GPM6A: variants seen among roughly 807,000 people sequenced by gnomAD.
The protein encoded by GPM6A is neuronal membrane glycoprotein M6-a.
A neutral mutation model predicts 32.1 loss-of-function variants in GPM6A; 7 were observed. That is an observed-to-expected ratio of 0.22 (90% CI 0.12 to 0.41). The LOEUF is 0.41. Ranked by LOEUF, GPM6A falls within the 10% of genes least tolerant of loss-of-function variation. The probability of loss-of-function intolerance (pLI) is 1.00; values close to 1 mark genes in which losing one functional copy is unlikely to be tolerated. For missense variants in GPM6A, 235 were observed against 347.2 expected, an observed-to-expected ratio of 0.68 and a Z score of 2.57; for synonymous variants, 130 against 123.4, an observed-to-expected ratio of 1.05 and a Z score of -0.35.
chr4:175,875,128 G>A (rs942202974), intron 1 of GPM6A, among the ~76,000 whole-genome samples: 6 of 152,072 alleles, frequency 3.9e-5, no homozygotes, highest in African/African-American at 7.2e-5. Context: ...TTTGAACCTT[G>A]ATGCAAGAAT....
intron 1 of GPM6A, among the ~76,000 whole-genome samples, chr4:175,722,985 G>A (rs1189708666): frequency 6.6e-6 from 1 of 152,080 alleles, no homozygotes; most frequent in East Asian, 1.9e-4. Context: ...GGAGGTGGAG[G>A]CTGCAGTGAG....
intron 2 of GPM6A, among the ~76,000 whole-genome samples, chr4:175,691,863 C>T (rs952037745): frequency 3.3e-5 from 5 of 152,068 alleles, no homozygotes; most frequent in African/African-American, 1.2e-4. Flanking sequence ...AAGAGAGAGG[C>T]GAGAGAGACA....
chr4:176,000,108 C>T (rs1000883885), intron 1 of GPM6A, among the ~76,000 whole-genome samples: 4 of 152,156 alleles, frequency 2.6e-5, no homozygotes, highest in African/African-American at 9.7e-5. Context: ...TACAGGCCTG[C>T]TCTTTTCTCT....
At chr4:175,852,696 T>G (rs1736296402) in intron 1 of GPM6A, among the ~76,000 whole-genome samples, 1 of 152,174 alleles carries the variant, frequency 6.6e-6, no homozygotes, top group African/African-American at 2.4e-5. Flanking sequence ...TACCAATAGA[T>G]AGCACTTAAT....
At chr4:175,753,811 T>C (rs1236687527) in intron 1 of GPM6A, among the ~76,000 whole-genome samples, 2 of 152,118 alleles carry the variant, frequency 1.3e-5, no homozygotes, top group East Asian at 1.9e-4. Flanking sequence ...TACAAGTTAC[T>C]TTGTAAGGAC....
chr4:175,757,479 T>G (rs1732573514), intron 1 of GPM6A, among the ~76,000 whole-genome samples: 1 of 152,156 alleles, frequency 6.6e-6, no homozygotes, highest in Non-Finnish European at 1.5e-5. Context: ...TTTATGTCAC[T>G]AAAATGTATT....
intron 1 of GPM6A, among the ~76,000 whole-genome samples, chr4:175,977,031 C>T (rs939235393): frequency 6.6e-6 from 1 of 152,108 alleles, no homozygotes; most frequent in Non-Finnish European, 1.5e-5. Flanking sequence ...GTTCTACAAG[C>T]TAATATGTTA....
At chr4:175,883,175 C>T (rs1253987353) in intron 1 of GPM6A, among the ~76,000 whole-genome samples, 2 of 151,940 alleles carry the variant, frequency 1.3e-5, no homozygotes, top group African/African-American at 4.8e-5. Flanking sequence ...TAGATTGAAA[C>T]ACAGGTAATT....
At chr4:175,936,366 A>C (rs2126328033) in intron 1 of GPM6A, among the ~76,000 whole-genome samples, 1 of 151,434 alleles carries the variant, frequency 6.6e-6, no homozygotes, top group South Asian at 2.1e-4. Context: ...AATAAAATTA[A>C]AATAATTTCC....
At chr4:175,765,707 T>TA (rs918449685) in intron 1 of GPM6A, among the ~76,000 whole-genome samples, 1 of 152,212 alleles carries the variant, frequency 6.6e-6, no homozygotes, top group African/African-American at 2.4e-5. Flanking sequence ...ACTATTAAAA[T>TA]AAAAACCCAA....
At chr4:175,764,846 CATTATTATTATTATTATTATT>C (rs56700410) in intron 1 of GPM6A, among the ~76,000 whole-genome samples, 1 of 140,532 alleles carries the variant, frequency 7.1e-6, no homozygotes, top group Admixed American at 7.2e-5. Context: ...AACCCAAAGG[CATTATTATTATTATTATTATT>C]ATTATTATTA....
chr4:175,816,425 A>G (rs182982370), upstream of GPM6A, among the ~76,000 whole-genome samples: 29 of 152,354 alleles, frequency 1.9e-4, no homozygotes, highest in East Asian at 5.0e-3. Flanking sequence ...TAAACACATT[A>G]TTATATACAA....
intron 1 of GPM6A, among the ~76,000 whole-genome samples, chr4:175,923,072 CTAT>C (rs1243998241): frequency 6.6e-6 from 1 of 151,584 alleles, no homozygotes; most frequent in African/African-American, 2.4e-5. Flanking sequence ...TATGTAGATA[CTAT>C]ATTATTCATA....
intron 1 of GPM6A, among the ~76,000 whole-genome samples, chr4:175,912,798 C>G (rs1274982076): frequency 6.6e-6 from 1 of 152,132 alleles, no homozygotes; most frequent in Non-Finnish European, 1.5e-5. Flanking sequence ...CACCTACACC[C>G]TAGAATGATG....
At chr4:175,777,571 G>T (rs1733445763) in intron 1 of GPM6A, among the ~76,000 whole-genome samples, 1 of 151,980 alleles carries the variant, frequency 6.6e-6, no homozygotes, top group Non-Finnish European at 1.5e-5. Context: ...GTCCACAAAT[G>T]AATGTGTTAT....
chr4:175,693,353 T>A (rs1744404131), intron 2 of GPM6A, among the ~76,000 whole-genome samples: 1 of 149,948 alleles, frequency 6.7e-6, no homozygotes, highest in Admixed American at 6.7e-5. Context: ...ATTATAGAAG[T>A]ATAATAAATA....
At chr4:175,770,832 T>G in intron 1 of GPM6A, among the ~76,000 whole-genome samples, 1 of 152,068 alleles carries the variant, frequency 6.6e-6, no homozygotes, top group East Asian at 1.9e-4. Flanking sequence ...TTTTACTATC[T>G]CTACACAGGC....
At chr4:175,846,358 T>A (rs1297683979) in intron 1 of GPM6A, among the ~76,000 whole-genome samples, 1 of 152,152 alleles carries the variant, frequency 6.6e-6, no homozygotes, top group African/African-American at 2.4e-5. Flanking sequence ...ATCCTAAAAC[T>A]TCAGTTTATA....
At chr4:175,802,255 CA>C (rs1414386635) in intron 1 of GPM6A, among the ~76,000 whole-genome samples, 1 of 152,090 alleles carries the variant, frequency 6.6e-6, no homozygotes, top group Admixed American at 6.5e-5. Flanking sequence ...AACAAGAATT[CA>C]TTCTCAATTC....
Sources: allele counts gnomAD v4.1 joint callset (sites outside exome capture counted in the v4.1 genomes callset), GRCh38; gene constraint gnomAD v4.1.1; transcripts MANE v1.5; gene names NCBI Gene and HGNC (gene_info 2026-07-23, HGNC 2026-07-21).